Variants in MSH4 observed in about 807,000 individuals in gnomAD.
MSH4 encodes the protein mutS protein homolog 4.
A neutral mutation model predicts 113.7 loss-of-function variants in MSH4; 106 were observed. The ratio of observed to expected loss-of-function variants is 0.93; its 90% CI spans 0.80 to 1.10. MSH4 has a LOEUF of 1.10. MSH4 is among the 50% of genes least tolerant of loss of function. The pLI, the probability that MSH4 is intolerant of heterozygous loss-of-function variation, is 0.00. For synonymous variants in MSH4, 368 were observed against 380.2 expected, an observed-to-expected ratio of 0.97 and a Z score of 0.37; for missense variants, 1,061 against 1,093.7, an observed-to-expected ratio of 0.97 and a Z score of 0.42.
At chr1:75,822,339 T>C in intron 6 of MSH4, 70 bp from the exon 7 acceptor site, 1 of 981,048 alleles carries the variant, frequency 1.0e-6, no homozygotes, top group Non-Finnish European at 1.5e-6. Context: ...GATTATTTAA[T>C]TACAAAGTGA....
At chr1:75,912,651 G>T in intron 19 of MSH4, 45 bp from the exon 20 acceptor site, 1 of 1,166,100 alleles carries the variant, frequency 8.6e-7, no homozygotes, top group Non-Finnish European at 1.1e-6. Context: ...TAAAAATTAT[G>T]GTATTTGTGT....
intron 8 of MSH4, among the ~76,000 whole-genome samples, chr1:75,865,061 C>T (rs1651534192): frequency 6.6e-6 from 1 of 152,046 alleles, no homozygotes; most frequent in Non-Finnish European, 1.5e-5. Flanking sequence ...TCAGATGTCT[C>T]CATCTGAGAG....
At chr1:75,866,553 T>C (rs2100560438) in intron 8 of MSH4, among the ~76,000 whole-genome samples, 1 of 152,286 alleles carries the variant, frequency 6.6e-6, no homozygotes, top group South Asian at 2.1e-4. Flanking sequence ...GTTTCAGAGA[T>C]CCATTGTAAG....
chr1:75,871,560 A>C (rs1259755558), intron 9 of MSH4, among the ~76,000 whole-genome samples: 1 of 152,218 alleles, frequency 6.6e-6, no homozygotes, highest in East Asian at 1.9e-4. Context: ...TCTGTCAAAG[A>C]AGCAGACATT....
intron 7 of MSH4, among the ~76,000 whole-genome samples, chr1:75,834,674 A>C (rs149629240): frequency 0.073 from 11,077 of 152,230 alleles, 705 homozygotes; most frequent in East Asian, 0.27. Context: ...GCAAACTATC[A>C]CAAGGACAGA....
chr1:75,818,092 T>C (rs927229344), intron 6 of MSH4, among the ~76,000 whole-genome samples: 2 of 152,154 alleles, frequency 1.3e-5, no homozygotes, highest in Non-Finnish European at 2.9e-5. Context: ...TATAATAGCC[T>C]CCTAGCTTTT....
intron 19 of MSH4, among the ~76,000 whole-genome samples, chr1:75,907,684 C>CTCTCTCTCTCTACA (rs1307238647): frequency 4.3e-5 from 2 of 46,576 alleles, no homozygotes; most frequent in African/African-American, 2.0e-4. Context: ...CTCTCTCTCT[C>CTCTCTCTCTCTACA]TATACATATA....
At chr1:75,872,548 C>A (rs1278969514) in intron 9 of MSH4, among the ~76,000 whole-genome samples, 1 of 152,052 alleles carries the variant, frequency 6.6e-6, no homozygotes, top group Non-Finnish European at 1.5e-5. Flanking sequence ...TGTTGCAGTT[C>A]TATGCTGAAA....
At chr1:75,835,655 C>T (rs1650811968) in intron 7 of MSH4, among the ~76,000 whole-genome samples, 1 of 152,126 alleles carries the variant, frequency 6.6e-6, no homozygotes, top group Non-Finnish European at 1.5e-5. Flanking sequence ...TCTCCATGGC[C>T]TTCTTCTAAG....
intron 19 of MSH4, among the ~76,000 whole-genome samples, chr1:75,910,500 T>C (rs1652765954): frequency 6.6e-6 from 1 of 152,028 alleles, no homozygotes; most frequent in Non-Finnish European, 1.5e-5. Context: ...AACAAATTCC[T>C]GGGCTCAAGC....
rs779058101 is a variant in MSH4, at chr1:75,881,341, T to C, written c.1877T>C (p.Phe626Ser). Residue 626 changes from phenylalanine to serine, a missense_variant, in exon 14 of 20, where the codon TTT (phenylalanine) becomes TCT (serine). Phe to Ser is a radical substitution (Grantham distance 155). Transcript: ENST00000263187. ...TVSMLDMLLS[F>S]AHACTLSDYV... The stretch of plus-strand genomic sequence containing the variant: ...TCAATGCTGGATATGCTACTGTCAT[T>C]TGCTCATGCCTGCACTCTTTCTGAC... 5.1e-5 allele frequency: 82 copies of C among 1,611,924 alleles called. No homozygotes were observed. The highest frequency in any genetic ancestry group is 6.7e-5 in the Non-Finnish European group (79 of 1,179,102).
intron 7 of MSH4, among the ~76,000 whole-genome samples, chr1:75,844,892 G>T (rs181899466): frequency 1.3e-5 from 2 of 152,170 alleles, no homozygotes; most frequent in African/African-American, 4.8e-5. Flanking sequence ...GGATCTGCAA[G>T]GTTAAGGGAC....
At chr1:75,833,018 T>C (rs868463500) in intron 7 of MSH4, among the ~76,000 whole-genome samples, 2 of 152,180 alleles carry the variant, frequency 1.3e-5, no homozygotes, top group Non-Finnish European at 2.9e-5. Flanking sequence ...GATGTCATGA[T>C]TGTTTACTTA....
chr1:75,909,125 C>T (rs2100598972), intron 19 of MSH4, among the ~76,000 whole-genome samples: 1 of 152,190 alleles, frequency 6.6e-6, no homozygotes, highest in African/African-American at 2.4e-5. Flanking sequence ...TGGGTTTAGG[C>T]AGGAATGATT....
At position 75,881,319 on chromosome 1, in the gene MSH4, A is replaced by T; in HGVS notation, c.1855A>T (p.Met619Leu). The change falls in exon 14 of 20, where the codon ATG (methionine) becomes TTG (leucine). Residue 619 changes from methionine (M) to leucine (L), a missense_variant. Transcript: ENST00000263187. ...CLYKLSDTVS[M>L]LDMLLSFAHA... is the part of the protein sequence containing the mutation. ...ATATAAACTATCTGACACTGTGTCA[A>T]TGCTGGATATGCTACTGTCATTTGC... The T allele has an allele frequency of 6.2e-7, 1 of 1,611,910 alleles. No individual in the cohort carries two copies. The highest frequency in any genetic ancestry group is 1.1e-5 in the South Asian group (1 of 90,990).
chr1:75,887,366 T>C (rs1273122680), intron 15 of MSH4, among the ~76,000 whole-genome samples: 2 of 152,082 alleles, frequency 1.3e-5, no homozygotes, highest in African/African-American at 4.8e-5. Flanking sequence ...TCCCCAGCCA[T>C]GCAGAATTGT....
intron 9 of MSH4, among the ~76,000 whole-genome samples, chr1:75,874,158 AT>A (rs1350204060): frequency 6.6e-6 from 1 of 151,974 alleles, no homozygotes; most frequent in Non-Finnish European, 1.5e-5. Flanking sequence ...TTTGATTCAC[AT>A]TTCTCTAATG....
chr1:75,900,343 C>A (rs1652480050), intron 19 of MSH4, among the ~76,000 whole-genome samples: 1 of 152,112 alleles, frequency 6.6e-6, no homozygotes, highest in Admixed American at 6.5e-5. Context: ...CTCTTGTCAT[C>A]CAGGCTGGAG....
intron 7 of MSH4, among the ~76,000 whole-genome samples, chr1:75,840,639 G>GC (rs1366735512): frequency 6.7e-6 from 1 of 149,868 alleles, no homozygotes; most frequent in Non-Finnish European, 1.5e-5. Context: ...TGCACATTGT[G>GC]CACATGTACC....
Sources: allele counts gnomAD v4.1 joint callset (sites outside exome capture counted in the v4.1 genomes callset), GRCh38; gene constraint gnomAD v4.1.1; transcripts MANE v1.5; gene names NCBI Gene and HGNC (gene_info 2026-07-23, HGNC 2026-07-21).